DGKB: variants seen among roughly 807,000 people sequenced by gnomAD.
DGKB encodes the protein diacylglycerol kinase beta, also known as 90 kDa diacylglycerol kinase.
A neutral mutation model predicts 114.3 loss-of-function variants in DGKB; 67 were observed. The observed-to-expected ratio is 0.59, with a 90% CI of 0.48 to 0.72. The LOEUF (loss-of-function observed/expected upper bound fraction) is 0.72, where lower values mean the gene tolerates loss of function less well. DGKB is among the 30% of genes least tolerant of loss of function. The pLI, the probability that DGKB is intolerant of heterozygous loss-of-function variation, is 0.00. For missense variants in DGKB, 907 were observed against 975.2 expected, an observed-to-expected ratio of 0.93 and a Z score of 0.93; for synonymous variants, 398 against 323.1, an observed-to-expected ratio of 1.23 and a Z score of -2.49.
At chr7:14,797,219 C>T (rs1302391971) in intron 2 of DGKB, among the ~76,000 whole-genome samples, 2 of 152,156 alleles carry the variant, frequency 1.3e-5, no homozygotes, top group Non-Finnish European at 2.9e-5. Context: ...GTCATGGCCC[C>T]TCAATCATTT....
chr7:14,771,325 G>A (rs1027740713), intron 2 of DGKB, among the ~76,000 whole-genome samples: 4 of 152,024 alleles, frequency 2.6e-5, no homozygotes, highest in Non-Finnish European at 5.9e-5. Context: ...CATTCTCCCT[G>A]TACCCGGTAA....
At chr7:14,931,306 T>C (rs1785007112) in intron 1 of DGKB, among the ~76,000 whole-genome samples, 1 of 152,030 alleles carries the variant, frequency 6.6e-6, no homozygotes, top group Non-Finnish European at 1.5e-5. Context: ...GAGAAAGAGT[T>C]TCACCATGTT....
chr7:14,574,940 C>T (rs1041314715), intron 19 of DGKB, among the ~76,000 whole-genome samples: 1 of 152,092 alleles, frequency 6.6e-6, no homozygotes, highest in African/African-American at 2.4e-5. Flanking sequence ...TGGTTTGCAT[C>T]TATTTCTTTG....
chr7:14,291,249 C>A (rs989292201), intron 23 of DGKB, among the ~76,000 whole-genome samples: 2 of 151,338 alleles, frequency 1.3e-5, no homozygotes, highest in African/African-American at 4.9e-5. Context: ...ATCCATGGTG[C>A]TACCATTAAA....
intron 13 of DGKB, among the ~76,000 whole-genome samples, chr7:14,659,072 C>T (rs1282515080): frequency 7.2e-5 from 11 of 152,014 alleles, no homozygotes; most frequent in African/African-American, 2.4e-4. Context: ...CCTCCCCTAA[C>T]CCCCTACCAC....
chr7:14,695,488 C>CTTTT (rs1490933731), intron 8 of DGKB, among the ~76,000 whole-genome samples: 3 of 99,538 alleles, frequency 3.0e-5, no homozygotes, highest in Non-Finnish European at 5.9e-5. Flanking sequence ...TTCTCTCTCT[C>CTTTT]TCTCTCTTTT....
At chr7:14,793,409 C>T (rs1840967780) in intron 2 of DGKB, among the ~76,000 whole-genome samples, 1 of 152,046 alleles carries the variant, frequency 6.6e-6, no homozygotes. Context: ...ACTCTAAATG[C>T]CATATTGCTC....
At position 14,148,956 on chromosome 7, in the gene DGKB, G is replaced by C. The variant is rs959284657; in HGVS notation, c.*175C>G. ...TCATGCAAAGATGCCTATAAAAACT[G>C]AGACAATAAATTTTCTAATAGCTGA... On this transcript the variant is annotated 3_prime_UTR_variant, in exon 26 of 26. Transcript: ENST00000402815. 3 of 615,828 alleles carry C rather than the reference G, an allele frequency of 4.9e-6. No individual in the cohort carries two copies. In the African/African-American group the frequency reaches 5.6e-5, roughly 12 times the overall value. 38.1% of individuals were successfully genotyped at this position (615,828 alleles called of 1,614,324 possible). A position where few individuals can be genotyped will look rare whatever the true frequency, so the allele number is the denominator to read the frequency against.
At chr7:14,657,376 T>G (rs1300337388) in intron 13 of DGKB, among the ~76,000 whole-genome samples, 1 of 151,864 alleles carries the variant, frequency 6.6e-6, no homozygotes, top group Non-Finnish European at 1.5e-5. Context: ...GAGGTTTCTT[T>G]TTGCCTATCA....
chr7:14,693,877 T>C (rs193061533), intron 9 of DGKB, among the ~76,000 whole-genome samples, 198 bp downstream of exon 9: 303 of 151,870 alleles, frequency 2.0e-3, no homozygotes, highest in Middle Eastern at 6.8e-3. Flanking sequence ...ATACCTGGAG[T>C]GAATCAATAT....
chr7:14,721,962 G>C (rs973915930), intron 5 of DGKB, among the ~76,000 whole-genome samples: 1 of 151,968 alleles, frequency 6.6e-6, no homozygotes, highest in Non-Finnish European at 1.5e-5. Flanking sequence ...CTCAAGTCTT[G>C]CTTACTTCAA....
chr7:14,175,474 G>C (rs948588874), intron 25 of DGKB, among the ~76,000 whole-genome samples: 1 of 151,950 alleles, frequency 6.6e-6, no homozygotes, highest in African/African-American at 2.4e-5. Context: ...AATTTTTCCT[G>C]TTCTACCTCT....
chr7:14,624,106 ATG>A (rs984368225), intron 14 of DGKB, among the ~76,000 whole-genome samples: 1 of 152,092 alleles, frequency 6.6e-6, no homozygotes. Flanking sequence ...ATATTTCCAA[ATG>A]TGTGTGTGTA....
At chr7:14,463,588 A>T (rs1365811787) in intron 21 of DGKB, among the ~76,000 whole-genome samples, 1 of 151,926 alleles carries the variant, frequency 6.6e-6, no homozygotes, top group Admixed American at 6.6e-5. Context: ...TAAGCTATAA[A>T]CTCTAAGTGG....
At chr7:14,429,935 A>G (rs539088472) in intron 21 of DGKB, among the ~76,000 whole-genome samples, 12 of 150,214 alleles carry the variant, frequency 8.0e-5, no homozygotes, top group Non-Finnish European at 1.5e-4. Flanking sequence ...CCCCCCCCCA[A>G]AAAAAAGGCA....
chr7:14,304,442 T>C (rs1306026741), intron 23 of DGKB, among the ~76,000 whole-genome samples: 1 of 151,054 alleles, frequency 6.6e-6, no homozygotes, highest in Non-Finnish European at 1.5e-5. Flanking sequence ...CAGTCCCACT[T>C]TGTGCCAAAT....
intron 21 of DGKB, among the ~76,000 whole-genome samples, chr7:14,387,161 C>T (rs1356152136): frequency 4.0e-5 from 6 of 151,600 alleles, no homozygotes; most frequent in African/African-American, 9.7e-5. Context: ...CGGTGGCTCA[C>T]GCCTGTAATC....
intron 23 of DGKB, among the ~76,000 whole-genome samples, chr7:14,257,912 G>C (rs1796180561): frequency 6.6e-6 from 1 of 152,042 alleles, no homozygotes; most frequent in Non-Finnish European, 1.5e-5. Flanking sequence ...TTTTTTAACA[G>C]AGATGGGGTT....
intron 13 of DGKB, among the ~76,000 whole-genome samples, chr7:14,635,364 A>T (rs1810539633): frequency 6.6e-6 from 1 of 151,464 alleles, no homozygotes; most frequent in Non-Finnish European, 1.5e-5. Context: ...ACACAGAAGA[A>T]ATTATGGAGG....
Sources: allele counts gnomAD v4.1 joint callset (sites outside exome capture counted in the v4.1 genomes callset), GRCh38; gene constraint gnomAD v4.1.1; transcripts MANE v1.5; gene names NCBI Gene and HGNC (gene_info 2026-07-23, HGNC 2026-07-21).